The following DPRX variants were observed in gnomAD, a reference collection of about 807,000 sequenced individuals.
DPRX encodes the protein divergent-paired related homeobox.
In DPRX, 11 loss-of-function variants were observed where a neutral mutation model predicts 8.4. The ratio of observed to expected loss-of-function variants is 1.31; its 90% CI spans 0.82 to 2.17. The LOEUF (loss-of-function observed/expected upper bound fraction) is 2.17. DPRX is among the 30% of genes most tolerant of loss of function. The pLI is 0.00. For missense variants in DPRX, 211 were observed against 236.7 expected, an observed-to-expected ratio of 0.89 and a Z score of 0.71; for synonymous variants, 72 against 87.0, an observed-to-expected ratio of 0.83 and a Z score of 0.96.
At chr19:53,630,776 C>T (rs1477669933), upstream of DPRX, among the ~76,000 whole-genome samples, 3 of 152,036 alleles carry the variant, frequency 2.0e-5, no homozygotes, top group Admixed American at 6.6e-5. Flanking sequence ...AACCTGAAGT[C>T]AAACTGCCCT....
At chr19:53,615,947 T>A in the DPRX span, among the ~76,000 whole-genome samples, 2 of 151,934 alleles carry the variant, frequency 1.3e-5, no homozygotes, top group East Asian at 3.9e-4. Context: ...CCAATTTTTT[T>A]AAATTAAAAA....
upstream of DPRX, among the ~76,000 whole-genome samples, chr19:53,628,526 G>A (rs569771687): frequency 1.1e-4 from 17 of 151,916 alleles, no homozygotes; most frequent in South Asian, 4.2e-4. Context: ...TAAGCGGTTC[G>A]GTGGCATTTA....
At chr19:53,622,219 T>C in the DPRX span, among the ~76,000 whole-genome samples, 1 of 152,238 alleles carries the variant, frequency 6.6e-6, no homozygotes, top group Non-Finnish European at 1.5e-5. Flanking sequence ...GAGATTCTTA[T>C]CTGTGAGATG....
At chr19:53,625,725 C>A in the DPRX span, among the ~76,000 whole-genome samples, 5 of 151,784 alleles carry the variant, frequency 3.3e-5, no homozygotes, top group African/African-American at 1.2e-4. Flanking sequence ...GCAACCTTCA[C>A]CTTCCAGGTT....
chr19:53,616,974 A>G, the DPRX span: 1 of 1,187,328 alleles, frequency 8.4e-7, no homozygotes. Context: ...TTGAACCGCC[A>G]GGTGTTGGCT....
chr19:53,626,927 C>A, the DPRX span, among the ~76,000 whole-genome samples: 1 of 151,972 alleles, frequency 6.6e-6, no homozygotes, highest in Admixed American at 6.6e-5. Flanking sequence ...GTCTTGAACT[C>A]CTGACCTCAG....
chr19:53,609,072 A>G, the DPRX span, among the ~76,000 whole-genome samples: 1 of 152,040 alleles, frequency 6.6e-6, no homozygotes, highest in African/African-American at 2.4e-5. Context: ...AAATAGCAAA[A>G]GGAATCCTGA....
intron 2 of DPRX, among the ~76,000 whole-genome samples, chr19:53,635,135 G>A (rs911095694): frequency 7.9e-5 from 12 of 151,962 alleles, no homozygotes; most frequent in African/African-American, 2.9e-4. Flanking sequence ...TGCACACTAC[G>A]CCTCCCAAAG....
At chr19:53,617,333 C>T in the DPRX span, 50 of 555,476 alleles carry the variant, frequency 9.0e-5, no homozygotes, top group Middle Eastern at 3.7e-4. Flanking sequence ...CCGAGGCGAG[C>T]GGATTATCTG....
At chr19:53,601,215 G>A in the DPRX span, 1 of 456,018 alleles carries the variant, frequency 2.2e-6, no homozygotes, top group South Asian at 1.5e-5. Flanking sequence ...CAGGAAGAGT[G>A]TTGGGCTCAG....
the DPRX span, chr19:53,617,284 T>C: frequency 4.3e-6 from 3 of 702,504 alleles, no homozygotes; most frequent in Non-Finnish European, 7.9e-6. Context: ...TCAGGCTGGG[T>C]GCAGTGGCTC....
chr19:53,624,829 C>CAAA, the DPRX span, among the ~76,000 whole-genome samples: 28 of 86,810 alleles, frequency 3.2e-4, no homozygotes, highest in African/African-American at 6.8e-4. Flanking sequence ...GCGACAGTCA[C>CAAA]AAAAAAAAAA....
the DPRX span, among the ~76,000 whole-genome samples, chr19:53,617,532 T>C: frequency 2.0e-3 from 268 of 132,302 alleles, 2 homozygotes; most frequent in Middle Eastern, 0.026. Flanking sequence ...CACTCCAGCC[T>C]GGACAACAAG....
At chr19:53,636,870 G>T (rs2091114988) in exon 3 of DPRX, 2 of 1,614,096 alleles carry the variant, frequency 1.2e-6, no homozygotes, top group Non-Finnish European at 1.7e-6. Flanking sequence ...GTCCATTTTG[G>T]CTGCTGCCGA....
upstream of DPRX, among the ~76,000 whole-genome samples, chr19:53,630,820 C>T (rs1275920115): frequency 2.0e-5 from 3 of 151,702 alleles, no homozygotes; most frequent in African/African-American, 4.8e-5. Context: ...ATGGTGTGAG[C>T]CTGGGCATCT....
rs367690331 is a variant in DPRX, at chr19:53,636,933, C to T, written c.521C>T (p.Pro174Leu). The T allele has an allele frequency of 1.4e-4, 228 of 1,613,180 alleles. No homozygotes were observed. The highest frequency in any genetic ancestry group is 1.9e-4 in the Non-Finnish European group (220 of 1,179,466). The change falls in exon 3 of 3, where the codon CCA (proline) becomes CTA (leucine). Residue 174 changes from proline to leucine, a missense_variant. Coordinates refer to ENST00000376650, the Ensembl canonical transcript of DPRX. ...ATTTTGGAATCCCAAGTTTGCGCTC[C>T]AAGCTTCCATTCTGGCTCTCCTGCC... is the stretch of plus-strand genomic sequence containing the variant.
chr19:53,632,418 A>T (rs1375086857), intron 1 of DPRX, among the ~76,000 whole-genome samples: 2 of 151,648 alleles, frequency 1.3e-5, no homozygotes, highest in Non-Finnish European at 2.9e-5. Context: ...CTCCTGCCTC[A>T]GCCTCCCGAG....
chr19:53,631,668 G>A (rs1009292353), upstream of DPRX, among the ~76,000 whole-genome samples: 7 of 152,060 alleles, frequency 4.6e-5, no homozygotes, highest in African/African-American at 1.7e-4. Flanking sequence ...GCTGAGACAT[G>A]AGAATCCCTT....
At chr19:53,634,126 C>T (rs570956084) in intron 1 of DPRX, among the ~76,000 whole-genome samples, 9 of 152,066 alleles carry the variant, frequency 5.9e-5, no homozygotes, top group South Asian at 2.1e-4. Context: ...AGCAGTGTCT[C>T]CATATCTAAG....
Sources: allele counts gnomAD v4.1 joint callset (sites outside exome capture counted in the v4.1 genomes callset), GRCh38; gene constraint gnomAD v4.1.1; transcripts MANE v1.5; gene names NCBI Gene and HGNC (gene_info 2026-07-23, HGNC 2026-07-21).